The following PGCKA1 variants were observed in gnomAD, a reference collection of about 807,000 sequenced individuals.
PGCKA1 encodes the protein PDCD10 and GCKIII kinases-associated protein 1.
At chr4:37,525,341 T>C in the PGCKA1 span, among the ~76,000 whole-genome samples, 24 of 152,304 alleles carry the variant, frequency 1.6e-4, no homozygotes, top group African/African-American at 4.3e-4. Flanking sequence ...AATAGGTCTT[T>C]ACACCATTTA....
chr4:37,569,495 G>C, the PGCKA1 span, among the ~76,000 whole-genome samples: 1 of 152,044 alleles, frequency 6.6e-6, no homozygotes, highest in Non-Finnish European at 1.5e-5. Context: ...CACCACGCCC[G>C]GCCCCGAGGA....
At chr4:37,565,880 A>T in the PGCKA1 span, among the ~76,000 whole-genome samples, 1 of 152,188 alleles carries the variant, frequency 6.6e-6, no homozygotes, top group African/African-American at 2.4e-5. Flanking sequence ...GGTAGGCACC[A>T]TTTAATCAGC....
the PGCKA1 span, among the ~76,000 whole-genome samples, chr4:37,581,316 C>T: frequency 6.6e-5 from 10 of 152,136 alleles, no homozygotes; most frequent in Non-Finnish European, 1.0e-4. The surrounding 1 kb of genome is among the most constrained non-coding windows in gnomAD (Gnocchi z 4.4). Context: ...AGTAGTCTCT[C>T]CCCATAGCCA....
chr4:37,518,834 C>T, the PGCKA1 span, among the ~76,000 whole-genome samples: 1 of 152,108 alleles, frequency 6.6e-6, no homozygotes, highest in Non-Finnish European at 1.5e-5. Context: ...TTGCTCAAAA[C>T]ATTTTTGTCC....
the PGCKA1 span, among the ~76,000 whole-genome samples, chr4:37,583,703 C>T: frequency 6.6e-6 from 1 of 152,164 alleles, no homozygotes; most frequent in Admixed American, 6.5e-5. Flanking sequence ...AAACACAAAA[C>T]AGAGTCAGCC....
chr4:37,469,930 A>G, the PGCKA1 span, among the ~76,000 whole-genome samples: 1 of 152,208 alleles, frequency 6.6e-6, no homozygotes, highest in South Asian at 2.1e-4. Context: ...TTCTCTTCCA[A>G]ATGGATAAGG....
chr4:37,461,428 T>C, the PGCKA1 span, among the ~76,000 whole-genome samples: 3 of 152,086 alleles, frequency 2.0e-5, no homozygotes, highest in African/African-American at 7.3e-5. Flanking sequence ...ATTTTCAAGA[T>C]ATTGATCCTT....
At chr4:37,499,344 T>C in the PGCKA1 span, among the ~76,000 whole-genome samples, 3 of 152,182 alleles carry the variant, frequency 2.0e-5, no homozygotes, top group African/African-American at 4.8e-5. Flanking sequence ...ATAGAATGAA[T>C]TAGGGAGGAG....
At chr4:37,539,386 G>C in the PGCKA1 span, among the ~76,000 whole-genome samples, 1 of 152,176 alleles carries the variant, frequency 6.6e-6, no homozygotes, top group African/African-American at 2.4e-5. Flanking sequence ...GCCGGGCGCG[G>C]TGGCTCACAC....
the PGCKA1 span, chr4:37,590,354 G>A: frequency 6.2e-7 from 1 of 1,613,704 alleles, no homozygotes; most frequent in Non-Finnish European, 8.5e-7. Context: ...GGTGTCAACG[G>A]CATCGGCCCT....
chr4:37,469,469 C>A, the PGCKA1 span, among the ~76,000 whole-genome samples: 1 of 152,080 alleles, frequency 6.6e-6, no homozygotes, highest in Non-Finnish European at 1.5e-5. Context: ...AGCCAGTAGA[C>A]CCTCATTGCA....
chr4:37,505,080 C>A, the PGCKA1 span, among the ~76,000 whole-genome samples: 9 of 152,148 alleles, frequency 5.9e-5, no homozygotes, highest in African/African-American at 2.2e-4. Flanking sequence ...TTTTATTATG[C>A]TGAAGTACAT....
chr4:37,465,671 T>A, the PGCKA1 span, among the ~76,000 whole-genome samples: 35 of 152,114 alleles, frequency 2.3e-4, no homozygotes, highest in Non-Finnish European at 5.1e-4. Context: ...CAGTGGATGT[T>A]AAAAACTCCA....
At chr4:37,568,355 T>G in the PGCKA1 span, among the ~76,000 whole-genome samples, 1 of 152,226 alleles carries the variant, frequency 6.6e-6, no homozygotes, top group Non-Finnish European at 1.5e-5. Flanking sequence ...TTGCCACCAG[T>G]GCTCTGAAAA....
At chr4:37,484,641 T>C in the PGCKA1 span, among the ~76,000 whole-genome samples, 1 of 152,248 alleles carries the variant, frequency 6.6e-6, no homozygotes, top group Non-Finnish European at 1.5e-5. Context: ...CCTGCGGAAC[T>C]GTGAGCTAAT....
the PGCKA1 span, among the ~76,000 whole-genome samples, chr4:37,499,658 T>C: frequency 5.9e-5 from 9 of 152,128 alleles, no homozygotes; most frequent in Non-Finnish European, 1.0e-4. Flanking sequence ...CCCATTGTCT[T>C]TTCTATTTAT....
chr4:37,506,256 A>T, the PGCKA1 span, among the ~76,000 whole-genome samples: 1 of 151,180 alleles, frequency 6.6e-6, no homozygotes, highest in Non-Finnish European at 1.5e-5. Context: ...TATCTTTTGT[A>T]TTTTTTTCAC....
chr4:37,529,809 T>A, the PGCKA1 span, among the ~76,000 whole-genome samples: 1 of 152,190 alleles, frequency 6.6e-6, no homozygotes, highest in African/African-American at 2.4e-5. Flanking sequence ...CCGTGCTACC[T>A]CCAATGCTGT....
the PGCKA1 span, among the ~76,000 whole-genome samples, chr4:37,483,082 G>A: frequency 0.025 from 3,774 of 151,692 alleles, 82 homozygotes; most frequent in Non-Finnish European, 0.032. Flanking sequence ...GAATCATGGG[G>A]GCAGTTTCCC....
Sources: allele counts gnomAD v4.1 joint callset (sites outside exome capture counted in the v4.1 genomes callset), GRCh38; gene constraint gnomAD v4.1.1; non-coding constraint Gnocchi (gnomAD v3.1); transcripts MANE v1.5; gene names NCBI Gene and HGNC (gene_info 2026-07-23, HGNC 2026-07-21).